SPC25: variants seen among roughly 807,000 people sequenced by gnomAD.
SPC25 encodes the protein SPC25 component of NDC80 kinetochore complex.
In SPC25, 22 loss-of-function variants were observed where a neutral mutation model predicts 29.6. That is an observed-to-expected ratio of 0.74 (90% confidence interval 0.53 to 1.06). The LOEUF is 1.06. Among genes scored for constraint, SPC25 ranks in the 50% least tolerant of loss-of-function variants. The probability of loss-of-function intolerance (pLI) is 0.00; values close to 1 mark genes in which losing one functional copy is unlikely to be tolerated. For synonymous variants in SPC25, 91 were observed against 90.4 expected (o/e 1.01, Z -0.04); for missense variants, 230 against 255.8 (o/e 0.90, Z 0.69).
chr2:168,889,054 TATAC>T (rs796737901), intron 3 of SPC25, among the ~76,000 whole-genome samples, 168 bp downstream of exon 3: 23 of 101,842 alleles, frequency 2.3e-4, no homozygotes, highest in African/African-American at 8.5e-4. Context: ...TACACATATA[TATAC>T]ATATATATAT....
At chr2:168,889,361 G>T in intron 2 of SPC25, 26 bp downstream of exon 2, 1 of 1,613,622 alleles carries the variant, frequency 6.2e-7, no homozygotes, top group Non-Finnish European at 8.5e-7. Context: ...AGCAAAACCA[G>T]CATGTTACAA....
intron 4 of SPC25, among the ~76,000 whole-genome samples, chr2:168,862,655 T>C (rs1689538508): frequency 6.6e-6 from 1 of 152,224 alleles, no homozygotes. Flanking sequence ...GAGATCCCCT[T>C]CTTTGTGTCA....
At chr2:168,868,901 A>C (rs199815842), downstream of SPC25, among the ~76,000 whole-genome samples, 39 of 152,182 alleles carry the variant, frequency 2.6e-4, no homozygotes, top group East Asian at 1.7e-3. Flanking sequence ...GAGACACAAC[A>C]AAAAAAGAGA....
At chr2:168,880,213 C>A (rs1690154047) in intron 3 of SPC25, among the ~76,000 whole-genome samples, 1 of 152,194 alleles carries the variant, frequency 6.6e-6, no homozygotes, top group Admixed American at 6.5e-5. Context: ...GCATCTTCTT[C>A]CAATAGAAAA....
In SPC25 at chr2:168,876,084, G is replaced by T. The variant is rs985695298; in HGVS notation, c.439C>A (p.Arg147=). ...LYKDRLGLEI[R]KIYGEKLQFI... ...TTAACAAACTTACCATAAATTTTTC[G>T]AATTTCTAGTCCAAGTCGATCTTTA... The change falls in exon 5 of 7, where the codon CGA becomes AGA. Residue 147 remains arginine (R), a synonymous_variant. Transcript: ENST00000282074. 55 of 1,518,908 alleles carry T rather than the reference G, an allele frequency of 3.6e-5. No individual in the cohort carries two copies. The highest frequency in any genetic ancestry group is 4.6e-5 in the Non-Finnish European group (52 of 1,140,234). 94.1% of individuals were successfully genotyped at this position (1,518,908 alleles called of 1,614,324 possible). A position where few individuals can be genotyped will look rare whatever the true frequency, so the allele number is the denominator to read the frequency against.
intron 6 of SPC25, among the ~76,000 whole-genome samples, chr2:168,871,765 G>A (rs1173417363): frequency 2.6e-5 from 4 of 151,882 alleles, no homozygotes; most frequent in Admixed American, 6.6e-5. Context: ...CAAATCTTAA[G>A]TACTATAATC....
chr2:168,871,645 T>A, intron 6 of SPC25, 90 bp from the exon 7 acceptor site: 1 of 1,185,258 alleles, frequency 8.4e-7, no homozygotes, highest in Non-Finnish European at 1.2e-6. Context: ...TCTCATCTGG[T>A]TTGAATGTCA....
chr2:168,871,261 G>A lies in SPC25; in HGVS notation c.*170C>T, dbSNP rs1280143055. The A allele has an allele frequency of 4.4e-5, 20 of 455,366 alleles. No individual in the cohort carries two copies. The highest frequency in any genetic ancestry group is 1.3e-4 in the Admixed American group (3 of 23,326). The allele number at this position is 455,366 out of a possible 1,614,324, so 28.2% of individuals were successfully genotyped here. ...TAGGAGATATACCTAATGAAATGACGAGTTAATGGGTGCAGCACACCAATA... is the reference window on the plus strand; with the variant it reads ...TAGGAGATATACCTAATGAAATGACAAGTTAATGGGTGCAGCACACCAATA... On this transcript the variant is annotated 3_prime_UTR_variant, in exon 7 of 7. Transcript: ENST00000282074.
At chr2:168,878,627 T>C (rs1207220936) in intron 3 of SPC25, among the ~76,000 whole-genome samples, 2 of 152,164 alleles carry the variant, frequency 1.3e-5, no homozygotes, top group Non-Finnish European at 2.9e-5. Flanking sequence ...TAGACATCTA[T>C]CTAGAATACT....
At chr2:168,874,241 G>T (rs1297838177) in intron 5 of SPC25, among the ~76,000 whole-genome samples, 2 of 152,134 alleles carry the variant, frequency 1.3e-5, no homozygotes, top group Non-Finnish European at 2.9e-5. Flanking sequence ...TGTTGGTGAG[G>T]ATGTGGAGAA....
chr2:168,872,401 A>G (rs1690010938), intron 6 of SPC25, among the ~76,000 whole-genome samples: 2 of 152,228 alleles, frequency 1.3e-5, no homozygotes, highest in African/African-American at 4.8e-5. Flanking sequence ...TACAGGGGCT[A>G]TTAATCAAAT....
chr2:168,866,201 C>T (rs1324958297), downstream of SPC25, among the ~76,000 whole-genome samples: 2 of 152,312 alleles, frequency 1.3e-5, no homozygotes, highest in African/African-American at 2.4e-5. Context: ...CCAGAGGCAT[C>T]ACGCTACCTG....
intron 3 of SPC25, among the ~76,000 whole-genome samples, chr2:168,880,113 C>T (rs894061663): frequency 1.3e-5 from 2 of 152,192 alleles, no homozygotes; most frequent in African/African-American, 4.8e-5. Context: ...AACTTAAAGT[C>T]ACCAGGTGCA....
At chr2:168,872,443 C>G (rs1690012171) in intron 6 of SPC25, among the ~76,000 whole-genome samples, 1 of 152,036 alleles carries the variant, frequency 6.6e-6, no homozygotes, top group East Asian at 1.9e-4. Context: ...CAGTATTGTC[C>G]TTGTATGTAG....
intron 3 of SPC25, among the ~76,000 whole-genome samples, chr2:168,881,909 C>A (rs1690182587): frequency 6.6e-6 from 1 of 152,176 alleles, no homozygotes; most frequent in African/African-American, 2.4e-5. Context: ...ATGGAATTCT[C>A]AGTGCTTGAA....
At chr2:168,869,963 A>T (rs533922648), downstream of SPC25, among the ~76,000 whole-genome samples, 2 of 152,292 alleles carry the variant, frequency 1.3e-5, no homozygotes, top group Non-Finnish European at 2.9e-5. Context: ...ACTATCCTAC[A>T]AGGCTACAGT....
chr2:168,863,590 T>C (rs927631192), intron 4 of SPC25: 2 of 985,152 alleles, frequency 2.0e-6, no homozygotes, highest in African/African-American at 1.7e-5. Context: ...TGTCTCCAAA[T>C]TGATGTTGTA....
intron 4 of SPC25, among the ~76,000 whole-genome samples, chr2:168,864,491 G>C (rs548971705): frequency 3.8e-4 from 25 of 66,230 alleles, no homozygotes; most frequent in Admixed American, 2.5e-3. Flanking sequence ...TCACCATGTT[G>C]GTCAGGCTGG....
chr2:168,871,281 C>T lies in SPC25; in HGVS notation c.*150G>A, dbSNP rs1689977502. The T allele has an allele frequency of 1.5e-6, 1 of 651,698 alleles. No homozygotes were observed. Among genetic ancestry groups the T allele is most frequent in the South Asian group, 2.4e-5 (1 of 40,972 alleles). The allele number at this position is 651,698 out of a possible 1,614,324, so 40.4% of individuals were successfully genotyped here. ...ATGACGAGTTAATGGGTGCAGCACA[C>T]CAATATGGCACATGTATACATATGT... On this transcript the variant is annotated 3_prime_UTR_variant, in exon 7 of 7. Coordinates refer to ENST00000282074, the MANE Select transcript of SPC25 (RefSeq NM_020675.4).
Sources: allele counts gnomAD v4.1 joint callset (sites outside exome capture counted in the v4.1 genomes callset), GRCh38; gene constraint gnomAD v4.1.1; transcripts MANE v1.5; gene names NCBI Gene and HGNC (gene_info 2026-07-23, HGNC 2026-07-21).